NAV3: variants seen among roughly 807,000 people sequenced by gnomAD.
NAV3 encodes the protein neuron navigator 3, also known as pore membrane and/or filament interacting like protein 1.
Under a neutral mutation model 244.7 loss-of-function variants are expected in NAV3, and 87 were observed. The observed-to-expected ratio is 0.36, with a 90% confidence interval of 0.30 to 0.42. The LOEUF (loss-of-function observed/expected upper bound fraction) is 0.42, where lower values mean the gene tolerates loss of function less well. Among genes scored for constraint, NAV3 ranks in the 20% least tolerant of loss-of-function variants. The pLI is 1.00. For synonymous variants in NAV3, 1,126 were observed against 1,042.2 expected (o/e 1.08, Z -1.55); for missense variants, 2,663 against 2,893.3 (o/e 0.92, Z 1.83).
At chr12:77,895,309 T>TTGTGTGTGTGTG (rs71440496) in intron 1 of NAV3, among the ~76,000 whole-genome samples, 5,609 of 148,472 alleles carry the variant, frequency 0.038, 113 homozygotes, top group African/African-American at 0.058. Context: ...TTTAGAATGA[T>TTGTGTGTGTGTG]TGTGTGTGTG....
chr12:77,612,982 G>A (rs1209115952), intron 2 of NAV3, among the ~76,000 whole-genome samples: 1 of 152,066 alleles, frequency 6.6e-6, no homozygotes, highest in Non-Finnish European at 1.5e-5. Context: ...TGTGAAGAAG[G>A]ATGTATTTAC....
chr12:78,021,821 C>A lies in NAV3; in HGVS notation c.1982C>A (p.Ser661Ter). Residue 661 changes from serine (S) to a stop codon, truncating the protein, a stop_gained, in exon 9 of 40, where the codon TCA becomes TAA. Transcript: ENST00000397909. LOFTEE classifies it high-confidence loss of function. ...ACCAGTCCTACAAAGATGGACTTAT[C>A]ATATAGTAAGACTGCTAAGCAGTGC... is the stretch of plus-strand genomic sequence containing the variant. Reference protein sequence around the residue: ...SCTSPTKMDLSYSKTAKQCLE... With the variant: ...SCTSPTKMDL 1 of 1,611,040 alleles carries A rather than the reference C, an allele frequency of 6.2e-7. No individual in the cohort carries two copies. Among genetic ancestry groups the A allele is most frequent in the Non-Finnish European group, 8.5e-7 (1 of 1,178,352 alleles).
At chr12:77,947,417 T>C (rs929199504) in intron 3 of NAV3, 7 of 151,876 alleles carry the variant, frequency 4.6e-5, no homozygotes, top group Admixed American at 2.6e-4. Context: ...AGGATTTTTT[T>C]TTTTTTTTAG....
chr12:77,593,902 A>G (rs1229692974), intron 2 of NAV3, among the ~76,000 whole-genome samples: 1 of 152,150 alleles, frequency 6.6e-6, no homozygotes, highest in Admixed American at 6.5e-5. Flanking sequence ...CTAAAGTCAC[A>G]TGATTCTTCT....
At chr12:78,103,474 A>G (rs1411676709) in intron 12 of NAV3, among the ~76,000 whole-genome samples, 1 of 152,148 alleles carries the variant, frequency 6.6e-6, no homozygotes, top group African/African-American at 2.4e-5. Flanking sequence ...AAATTGTTCC[A>G]GCCTCTGCCT....
intron 9 of NAV3, among the ~76,000 whole-genome samples, chr12:78,029,594 C>T (rs1017270274): frequency 1.9e-4 from 29 of 152,116 alleles, no homozygotes; most frequent in African/African-American, 6.0e-4. Context: ...ACTTCCCAGT[C>T]CCTCAACTGC....
chr12:78,046,035 AT>A (rs1219928783), intron 9 of NAV3, among the ~76,000 whole-genome samples: 4 of 152,132 alleles, frequency 2.6e-5, no homozygotes, highest in African/African-American at 9.7e-5. Context: ...TGTTTATAGT[AT>A]TTTTTGACGA....
rs117279631 is a variant in NAV3, at chr12:78,189,728, A to G, written c.6056-256A>G. ...TCTCTCTGGAAACATAAATGAAAAC[A>G]AGAAGTAGACAGTGGAGTGAAGCCT... On this transcript the variant is annotated intron_variant, in intron 33 of 39. Coordinates refer to ENST00000397909, the MANE Select transcript of NAV3 (RefSeq NM_001024383.2). 2.9e-3 allele frequency among the ~76,000 whole-genome samples: 437 copies of G among 152,036 alleles called. 2 individuals carry two copies. Among genetic ancestry groups the G allele is most frequent in the Non-Finnish European group, 5.3e-3 (358 of 67,890 alleles).
At chr12:77,724,386 G>A (rs564550800) in intron 2 of NAV3, among the ~76,000 whole-genome samples, 26 of 151,934 alleles carry the variant, frequency 1.7e-4, no homozygotes, top group Non-Finnish European at 2.7e-4. Flanking sequence ...AAATTATCTT[G>A]CCTGATATGC....
chr12:77,723,755 C>CTTTTTTTTTTTTTTT (rs34518266), intron 2 of NAV3, among the ~76,000 whole-genome samples: 2 of 67,654 alleles, frequency 3.0e-5, no homozygotes, highest in Non-Finnish European at 5.2e-5. Flanking sequence ...GCAATCTTGA[C>CTTTTTTTTTTTTTTT]TTTTTTTTTT....
intron 3 of NAV3, among the ~76,000 whole-genome samples, chr12:77,961,031 C>T (rs531010452): frequency 1.2e-3 from 162 of 129,726 alleles, no homozygotes; most frequent in African/African-American, 4.3e-3. Context: ...TACATGTATA[C>T]GCATATATGT....
chr12:78,050,165 A>G, intron 10 of NAV3, 64 bp downstream of exon 10: 1 of 1,142,540 alleles, frequency 8.8e-7, no homozygotes, highest in Non-Finnish European at 1.3e-6. Flanking sequence ...CAAACATTTA[A>G]CTTTTCTTAT....
At chr12:77,675,160 G>A (rs1394889478) in intron 2 of NAV3, among the ~76,000 whole-genome samples, 2 of 152,120 alleles carry the variant, frequency 1.3e-5, no homozygotes, top group Non-Finnish European at 2.9e-5. Context: ...GAAAAATGTA[G>A]CATTTTACAT....
chr12:78,058,088 A>T (rs935071341), intron 11 of NAV3, among the ~76,000 whole-genome samples: 6 of 152,150 alleles, frequency 3.9e-5, no homozygotes, highest in Non-Finnish European at 8.8e-5. Context: ...CTGTGTGTGC[A>T]TGCAATTACA....
intron 1 of NAV3, among the ~76,000 whole-genome samples, chr12:77,885,535 T>G (rs1883182217): frequency 6.6e-6 from 1 of 152,160 alleles, no homozygotes; most frequent in South Asian, 2.1e-4. Context: ...GTTTCTTTGC[T>G]TTTTACAGGT....
intron 2 of NAV3, among the ~76,000 whole-genome samples, chr12:77,759,659 A>G (rs1057370422): frequency 2.0e-5 from 3 of 152,244 alleles, no homozygotes; most frequent in African/African-American, 7.2e-5. Flanking sequence ...ATGTTAGTTC[A>G]GTGAAACAAA....
chr12:77,952,268 A>G (rs1212758280), intron 3 of NAV3, among the ~76,000 whole-genome samples: 2 of 151,946 alleles, frequency 1.3e-5, no homozygotes, highest in Non-Finnish European at 2.9e-5. Context: ...TTTATACATC[A>G]TGTCTTTAGT....
chr12:77,695,208 G>T (rs191641503), intron 2 of NAV3, among the ~76,000 whole-genome samples: 69 of 152,142 alleles, frequency 4.5e-4, no homozygotes, highest in Middle Eastern at 6.8e-3. Flanking sequence ...GTGGGGTATG[G>T]CTCAAGCAAT....
At chr12:77,803,325 T>G (rs1201046253) in intron 2 of NAV3, among the ~76,000 whole-genome samples, 2 of 152,160 alleles carry the variant, frequency 1.3e-5, no homozygotes. Context: ...TCCCTCCCTG[T>G]GTCCATGTGT....
Sources: allele counts gnomAD v4.1 joint callset (sites outside exome capture counted in the v4.1 genomes callset), GRCh38; gene constraint gnomAD v4.1.1; transcripts MANE v1.5; gene names NCBI Gene and HGNC (gene_info 2026-07-23, HGNC 2026-07-21).